The following FGF13 variants were observed in gnomAD, a reference collection of about 807,000 sequenced individuals.
FGF13 encodes fibroblast growth factor 13.
FGF13 carries 2 observed loss-of-function variants against 19.5 expected under a neutral mutation model. The observed-to-expected ratio is 0.10, with a 90% CI of 0.04 to 0.32. FGF13 has a LOEUF of 0.32. Ranked by LOEUF, FGF13 falls within the 10% of genes least tolerant of loss-of-function variation. FGF13 has a pLI of 1.00. For missense variants in FGF13, 113 were observed against 192.7 expected (o/e 0.59, Z 2.45); for synonymous variants, 72 against 76.9 (o/e 0.94, Z 0.33).
intron 1 of FGF13, among the ~76,000 whole-genome samples, chrX:138,872,333 T>G (rs980358734): frequency 1.8e-5 from 2 of 112,091 alleles, no homozygotes; most frequent in Non-Finnish European, 3.8e-5. Context: ...TCTCCTGTGG[T>G]GTCTCATTGC....
At chrX:138,890,318 G>A (rs2091470430) in intron 1 of FGF13, among the ~76,000 whole-genome samples, 1 of 111,619 alleles carries the variant, frequency 9.0e-6, no homozygotes, top group African/African-American at 3.3e-5. Flanking sequence ...TGTAGTACCT[G>A]TTATGTGGCA....
At chrX:138,893,684 T>C (rs893459891) in intron 1 of FGF13, among the ~76,000 whole-genome samples, 3 of 111,933 alleles carry the variant, frequency 2.7e-5, no homozygotes, top group African/African-American at 3.2e-5. Flanking sequence ...GAAGCCTATA[T>C]TGGTAACACT....
At chrX:138,930,124 G>A (rs2091694843) in intron 1 of FGF13, among the ~76,000 whole-genome samples, 1 of 111,396 alleles carries the variant, frequency 9.0e-6, no homozygotes, top group Non-Finnish European at 1.9e-5. Flanking sequence ...CAGGGTATTG[G>A]TTGCCTAGCA....
intron 1 of FGF13, among the ~76,000 whole-genome samples, chrX:139,022,832 A>C (rs1026183466): frequency 5.4e-5 from 6 of 111,402 alleles, no homozygotes; most frequent in African/African-American, 2.0e-4. Context: ...TTTGAAATGA[A>C]TAGCACACTC....
At chrX:139,101,639 A>G (rs2083515022) in intron 1 of FGF13, among the ~76,000 whole-genome samples, 1 of 112,689 alleles carries the variant, frequency 8.9e-6, no homozygotes, top group Non-Finnish European at 1.9e-5. Context: ...AATTAAACGA[A>G]TAAATAAAGG....
At chrX:139,141,096 A>G (rs1258953569) in intron 1 of FGF13, among the ~76,000 whole-genome samples, 2 of 87,721 alleles carry the variant, frequency 2.3e-5, no homozygotes, top group Middle Eastern at 5.4e-3. Flanking sequence ...TAGATAGATA[A>G]GAGTGTACAC....
intron 1 of FGF13, among the ~76,000 whole-genome samples, chrX:139,197,245 C>T (rs1471699379): frequency 2.8e-4 from 31 of 112,404 alleles, no homozygotes; most frequent in Non-Finnish European, 3.8e-5. Context: ...ATATAAGCTA[C>T]ATGATCTCCA....
intron 1 of FGF13, among the ~76,000 whole-genome samples, chrX:139,028,688 A>T (rs1349628190): frequency 8.7e-5 from 7 of 80,668 alleles, no homozygotes; most frequent in East Asian, 7.9e-4. Context: ...TGTGAAAGAC[A>T]GTGTGTGTGT....
At chrX:138,787,994 T>C (rs2090707911) in intron 3 of FGF13, among the ~76,000 whole-genome samples, 2 of 111,886 alleles carry the variant, frequency 1.8e-5, no homozygotes, top group Non-Finnish European at 3.8e-5. Flanking sequence ...TCCTTTCTAA[T>C]AGCAAAATAA....
intron 1 of FGF13, among the ~76,000 whole-genome samples, chrX:138,891,149 G>C (rs941498068): frequency 6.3e-5 from 7 of 111,752 alleles, no homozygotes; most frequent in Admixed American, 1.9e-4. Flanking sequence ...AAAATTTGTG[G>C]TGTCGGGCAC....
chrX:139,017,340 T>C (rs1431897747), intron 1 of FGF13, among the ~76,000 whole-genome samples: 1 of 5,606 alleles, frequency 1.8e-4, no homozygotes, highest in African/African-American at 5.1e-4. Context: ...TACATGTATG[T>C]ATATATATAT....
rs1344213822 is a variant in FGF13, at chrX:138,652,085, ATCATT to A, written c.403-16435_403-16431del. 3.6e-5 allele frequency among the ~76,000 whole-genome samples: 4 copies of A among 111,473 alleles called. No individual in the cohort carries two copies. In the East Asian group the frequency reaches 8.5e-4, roughly 24 times the overall value. On this transcript the variant is annotated intron_variant, in intron 3 of 4. Transcript: ENST00000315930. ...CACTACTACGTCTTTGATCTTATGT[ATCATT>A]TGTCCTCTTTTTTCATTTTATATGT...
chrX:138,894,740 G>A (rs1056491807), intron 1 of FGF13, among the ~76,000 whole-genome samples: 3 of 110,928 alleles, frequency 2.7e-5, no homozygotes, highest in Non-Finnish European at 3.8e-5. Flanking sequence ...GGTACAAGGA[G>A]GAGCTGGTAC....
At chrX:138,911,418 C>T (rs777131448) in intron 1 of FGF13, among the ~76,000 whole-genome samples, 2 of 108,539 alleles carry the variant, frequency 1.8e-5, no homozygotes, top group Admixed American at 9.9e-5. Context: ...ACGATGAGGA[C>T]ACATGGACAC....
intron 1 of FGF13, among the ~76,000 whole-genome samples, chrX:139,051,999 T>C (rs1373594266): frequency 8.9e-6 from 1 of 112,672 alleles, no homozygotes; most frequent in Non-Finnish European, 1.9e-5. Context: ...TTATAGTTCA[T>C]TCATCTGTTC....
chrX:138,886,311 T>C (rs1432490087), intron 1 of FGF13, among the ~76,000 whole-genome samples: 1 of 112,512 alleles, frequency 8.9e-6, no homozygotes, highest in Non-Finnish European at 1.9e-5. Context: ...TTATGTACTA[T>C]TTATTTTGAA....
intron 1 of FGF13, among the ~76,000 whole-genome samples, chrX:139,021,212 A>G (rs746256721): frequency 9.0e-6 from 1 of 111,298 alleles, no homozygotes; most frequent in Non-Finnish European, 1.9e-5. Flanking sequence ...ACAAGTTAAC[A>G]AAATTAAGAG....
At chrX:138,677,622 C>A (rs1267050366) in intron 3 of FGF13, among the ~76,000 whole-genome samples, 18 of 111,353 alleles carry the variant, frequency 1.6e-4, no homozygotes, top group Non-Finnish European at 3.4e-4. Flanking sequence ...ATCAAAACCA[C>A]AATGAGATAC....
chrX:138,819,180 T>G (rs2124060215), intron 3 of FGF13, among the ~76,000 whole-genome samples: 1 of 111,810 alleles, frequency 8.9e-6, no homozygotes, highest in African/African-American at 3.2e-5. Flanking sequence ...TACTTACTTC[T>G]TATGTAGCCT....
Sources: allele counts gnomAD v4.1 joint callset (sites outside exome capture counted in the v4.1 genomes callset), GRCh38; gene constraint gnomAD v4.1.1; transcripts MANE v1.5; gene names NCBI Gene and HGNC (gene_info 2026-07-23, HGNC 2026-07-21).